COL21A1: variants seen among roughly 807,000 people sequenced by gnomAD.
COL21A1 encodes collagen alpha-1(XXI) chain.
COL21A1 carries 149 observed loss-of-function variants against 137.9 expected under a neutral mutation model. The ratio of observed to expected loss-of-function variants is 1.08; its 90% CI spans 0.95 to 1.24. COL21A1 has a LOEUF of 1.24. Ranked by LOEUF, COL21A1 falls within the 50% of genes most tolerant of loss-of-function variation. COL21A1 has a pLI of 0.00. For missense variants in COL21A1, 1,167 were observed against 1,158.4 expected, an observed-to-expected ratio of 1.01 and a Z score of -0.11; for synonymous variants, 456 against 391.5, an observed-to-expected ratio of 1.16 and a Z score of -1.95.
chr6:56,070,624 A>G (rs1766659363), intron 21 of COL21A1, 121 bp downstream of exon 21: 1 of 604,352 alleles, frequency 1.7e-6, no homozygotes, highest in African/African-American at 2.0e-5. Context: ...TAATTTCATG[A>G]TAAAGGTAAT....
At position 56,129,631 on chromosome 6, in the gene COL21A1, A is replaced by ACATG. The variant is rs762158808; in HGVS notation, c.1543-3483_1543-3482insCATG. Among the ~76,000 whole-genome samples, 28 of 147,638 alleles carry ACATG rather than the reference A, an allele frequency of 1.9e-4. No individual in the cohort carries two copies. The South Asian group carries it at 2.4e-3, about 13-fold the overall frequency. On this transcript the variant is annotated intron_variant, in intron 12 of 29. Coordinates refer to ENST00000244728, the MANE Select transcript of COL21A1 (RefSeq NM_030820.4). ...CTCAAGAATAATTGCTTCCTCTGTCACGTGCGTGCGTGTGTGTGTGTTGCT... is the reference window on the plus strand; with the variant it reads ...CTCAAGAATAATTGCTTCCTCTGTCACATGCGTGCGTGCGTGTGTGTGTGTTGCT...
chr6:56,150,550 AC>A (rs1561920230), intron 10 of COL21A1, among the ~76,000 whole-genome samples: 33 of 151,342 alleles, frequency 2.2e-4, no homozygotes, highest in Non-Finnish European at 3.7e-4. Flanking sequence ...ACACACACAC[AC>A]ACACACACAC....
At chr6:56,076,562 A>G (rs1248110176) in intron 18 of COL21A1, among the ~76,000 whole-genome samples, 2 of 151,622 alleles carry the variant, frequency 1.3e-5, no homozygotes, top group East Asian at 1.9e-4. Context: ...AAAAAATTAT[A>G]AACTCTGAAA....
At chr6:56,372,200 T>G (rs992663238) in intron 1 of COL21A1, among the ~76,000 whole-genome samples, 3 of 152,148 alleles carry the variant, frequency 2.0e-5, no homozygotes, top group Non-Finnish European at 4.4e-5. Context: ...TCCACAAATC[T>G]TAGAGACAGT....
At chr6:56,124,995 C>T (rs1316068120) in intron 14 of COL21A1, among the ~76,000 whole-genome samples, 1 of 136,804 alleles carries the variant, frequency 7.3e-6, no homozygotes, top group African/African-American at 2.7e-5. Flanking sequence ...GAATCTCTCA[C>T]TGTAAATCTG....
At chr6:56,167,072 G>T in intron 6 of COL21A1, 89 bp from the exon 7 acceptor site, 1 of 870,492 alleles carries the variant, frequency 1.1e-6, no homozygotes. Flanking sequence ...CATCCACTAT[G>T]GTTAGTAATT....
chr6:56,242,896 T>C (rs7772840), intron 1 of COL21A1, among the ~76,000 whole-genome samples: 3,317 of 152,312 alleles, frequency 0.022, 125 homozygotes, highest in African/African-American at 0.076. Context: ...TCCAGTTGTA[T>C]TCTGTAAGTT....
intron 1 of COL21A1, among the ~76,000 whole-genome samples, chr6:56,224,095 A>T (rs1781040039): frequency 6.6e-6 from 1 of 152,102 alleles, no homozygotes; most frequent in South Asian, 2.1e-4. Context: ...CTGGGGATTT[A>T]TTGAGCTTGG....
chr6:56,381,691 A>G (rs2094008929), intron 1 of COL21A1, among the ~76,000 whole-genome samples: 1 of 152,212 alleles, frequency 6.6e-6, no homozygotes, highest in South Asian at 2.1e-4. Context: ...TTTCCCTTTA[A>G]TCAAGTTTGA....
intron 17 of COL21A1, among the ~76,000 whole-genome samples, chr6:56,092,265 C>A (rs893839847): frequency 3.9e-5 from 6 of 151,994 alleles, no homozygotes; most frequent in African/African-American, 1.4e-4. Context: ...AAAAATGCAA[C>A]ATAACAGACA....
chr6:56,287,207 A>G (rs1294690820), intron 1 of COL21A1, among the ~76,000 whole-genome samples: 1 of 152,152 alleles, frequency 6.6e-6, no homozygotes, highest in East Asian at 1.9e-4. Context: ...TTGAAGCAGG[A>G]TATTTTATCA....
At chr6:56,354,875 T>TATATACAATGGAAGAAAAC (rs769063940) in intron 1 of COL21A1, among the ~76,000 whole-genome samples, 24 of 152,100 alleles carry the variant, frequency 1.6e-4, no homozygotes, top group South Asian at 8.3e-4. Flanking sequence ...AATGAGATGA[T>TATATACAATGGAAGAAAAC]ATATACAATG....
intron 1 of COL21A1, among the ~76,000 whole-genome samples, chr6:56,213,630 A>G (rs1028582129): frequency 1.3e-5 from 2 of 152,046 alleles, no homozygotes; most frequent in African/African-American, 4.8e-5. Flanking sequence ...TATCAAGCAC[A>G]TACATTTCAT....
intron 16 of COL21A1, among the ~76,000 whole-genome samples, chr6:56,121,968 T>A (rs929993718): frequency 1.3e-5 from 2 of 151,850 alleles, no homozygotes; most frequent in Admixed American, 6.6e-5. Flanking sequence ...AGGTCAAATA[T>A]GAAGGGTAGT....
chr6:56,148,368 G>GAAAA (rs1554145136), intron 10 of COL21A1, among the ~76,000 whole-genome samples: 1 of 150,116 alleles, frequency 6.7e-6, no homozygotes, highest in African/African-American at 2.5e-5. Flanking sequence ...GAGAGAGAGA[G>GAAAA]AAACACATAA....
At chr6:56,065,343 A>T (rs1247925925) in intron 23 of COL21A1, among the ~76,000 whole-genome samples, 1 of 151,996 alleles carries the variant, frequency 6.6e-6, no homozygotes, top group Non-Finnish European at 1.5e-5. Flanking sequence ...TCATCAATTT[A>T]ATTAAGTGAA....
At chr6:56,386,581 G>A (rs889282060) in intron 1 of COL21A1, among the ~76,000 whole-genome samples, 4 of 143,976 alleles carry the variant, frequency 2.8e-5, no homozygotes, top group East Asian at 2.7e-4. Context: ...TCGCATTCTT[G>A]ATAAAACTTG....
At chr6:56,131,480 C>T (rs1375388138) in intron 12 of COL21A1, among the ~76,000 whole-genome samples, 2 of 151,644 alleles carry the variant, frequency 1.3e-5, no homozygotes, top group Non-Finnish European at 2.9e-5. Context: ...ATGGTGAATG[C>T]TTTTAAAAAA....
intron 17 of COL21A1, among the ~76,000 whole-genome samples, chr6:56,080,126 T>C (rs780374137): frequency 2.0e-5 from 3 of 151,778 alleles, no homozygotes; most frequent in Admixed American, 6.6e-5. Context: ...TCCAAAAGCA[T>C]TTGAAAGTTA....
Sources: allele counts gnomAD v4.1 joint callset (sites outside exome capture counted in the v4.1 genomes callset), GRCh38; gene constraint gnomAD v4.1.1; transcripts MANE v1.5; gene names NCBI Gene and HGNC (gene_info 2026-07-23, HGNC 2026-07-21).